Variants in RO60 observed in about 807,000 individuals in gnomAD.
RO60 encodes RNA-binding protein RO60.
A neutral mutation model predicts 55.3 loss-of-function variants in RO60; 20 were observed. That is an observed-to-expected ratio of 0.36 (90% confidence interval 0.25 to 0.53). RO60 has a LOEUF of 0.53. Ranked by LOEUF, RO60 falls within the 20% of genes least tolerant of loss-of-function variation. The pLI is 0.92. For synonymous variants in RO60, 213 were observed against 213.6 expected (o/e 1.00, Z 0.02); for missense variants, 558 against 646.6 (o/e 0.86, Z 1.49).
downstream of RO60, chr1:193,091,626 G>A: frequency 6.3e-7 from 1 of 1,596,792 alleles, no homozygotes; most frequent in Non-Finnish European, 8.6e-7. Context: ...CACTGATACT[G>A]TGAAATCCTT....
chr1:193,080,935 A>G (rs1162225466), intron 5 of RO60, among the ~76,000 whole-genome samples: 3 of 152,172 alleles, frequency 2.0e-5, no homozygotes, highest in African/African-American at 2.4e-5. Context: ...CTTGAAATAG[A>G]TAGAGGTGAT....
At chr1:193,071,680 T>C (rs1172564371) in intron 2 of RO60, among the ~76,000 whole-genome samples, 2 of 151,098 alleles carry the variant, frequency 1.3e-5, no homozygotes, top group Non-Finnish European at 2.9e-5. Flanking sequence ...CATGAAAGAT[T>C]CTTTGAATTT....
chr1:193,069,436 T>C lies in RO60; in HGVS notation c.382T>C (p.Phe128Leu). The change falls in exon 2 of 9, where the codon TTT becomes CTT. Residue 128 changes from phenylalanine (F) to leucine (L), a missense_variant. Transcript: ENST00000400968. ...TCGCATTCCTACCCATCTCTTTACT[T>C]TTATCCAGTTTAAGAAAGATCTGAA... Reference protein sequence around the residue: ...VCRIPTHLFTFIQFKKDLKES... With the variant: ...VCRIPTHLFTLIQFKKDLKES... 1 of 1,614,208 alleles carries C rather than the reference T, an allele frequency of 6.2e-7. No homozygotes were observed. The highest frequency in any genetic ancestry group is 8.5e-7 in the Non-Finnish European group (1 of 1,180,026).
intron 1 of RO60, among the ~76,000 whole-genome samples, chr1:193,068,001 T>C (rs1018352297): frequency 5.9e-5 from 9 of 152,184 alleles, no homozygotes; most frequent in African/African-American, 2.2e-4. Flanking sequence ...CTGAAGATGG[T>C]TGTTACCACT....
chr1:193,085,716 A>C lies in RO60; in HGVS notation c.*985A>C, dbSNP rs1572110981. The C allele has an allele frequency of 1.0e-6, 1 of 982,380 alleles. No homozygotes were observed. The highest frequency in any genetic ancestry group is 1.1e-4 in the East Asian group (1 of 8,800). The allele number at this position is 982,380 out of a possible 1,614,324, so 60.9% of individuals were successfully genotyped here. On this transcript the variant is annotated 3_prime_UTR_variant, in exon 9 of 9. Transcript: ENST00000400968. ...TATTTTTTTAGTTAATATTTTTAAA[A>C]GTATACATGTCAATGGCCTCTTTGT...
At chr1:193,068,612 T>A (rs7552203) in intron 1 of RO60, among the ~76,000 whole-genome samples, 2 of 152,136 alleles carry the variant, frequency 1.3e-5, no homozygotes, top group African/African-American at 4.8e-5. Flanking sequence ...GGCCTCAAGA[T>A]GCCATACTGA....
chr1:193,059,846 T>C lies in RO60; in HGVS notation c.-22+70T>C. ...CCAGGGACGCGCAAATTCTGACCAG[T>C]CCTCCATGTCTCTCACCCGCATCCC... On this transcript the variant is annotated intron_variant, in intron 1 of 8. Transcript: ENST00000400968. This position sits in a 1 kb window ranked among gnomAD's most constrained non-coding sequence, Gnocchi z 4.9. The C allele has an allele frequency of 1.5e-6, 2 of 1,362,228 alleles. No individual in the cohort carries two copies. Among genetic ancestry groups the C allele is most frequent in the South Asian group, 2.3e-5 (2 of 87,140 alleles). The allele number at this position is 1,362,228 out of a possible 1,614,324, so 84.4% of individuals were successfully genotyped here. A position where few individuals can be genotyped will look rare whatever the true frequency, so the allele number is the denominator to read the frequency against.
At position 193,059,662 on chromosome 1, in the gene RO60, G is replaced by A. The variant is rs1672220151; in HGVS notation, c.-136G>A. Reference sequence around the variant, plus strand: ...AATCCCCGGCGGCAGTGGGGCTGTTGCTGTTGCTGTGGCTGTCGCTGCCCG... The same window carrying A: ...AATCCCCGGCGGCAGTGGGGCTGTTACTGTTGCTGTGGCTGTCGCTGCCCG... On this transcript the variant is annotated 5_prime_UTR_variant, in exon 1 of 9. Coordinates refer to ENST00000400968, the MANE Select transcript of RO60 (RefSeq NM_001173524.2). The surrounding 1 kb of genome is among the most constrained non-coding windows in gnomAD (Gnocchi z 4.9). 7.3e-7 allele frequency: 1 copy of A among 1,377,906 alleles called. No homozygotes were observed. The highest frequency in any genetic ancestry group is 1.2e-5 in the South Asian group (1 of 86,752). The allele number at this position is 1,377,906 out of a possible 1,614,324, so 85.4% of individuals were successfully genotyped here. A position where few individuals can be genotyped will look rare whatever the true frequency, so the allele number is the denominator to read the frequency against.
At chr1:193,066,422 A>G (rs1673111838) in intron 1 of RO60, among the ~76,000 whole-genome samples, 1 of 152,222 alleles carries the variant, frequency 6.6e-6, no homozygotes, top group Admixed American at 6.5e-5. Flanking sequence ...ACTGTAATCA[A>G]GCTACTTCTT....
rs766159439 is a variant in RO60, at chr1:193,059,976, C to T, written c.-22+200C>T. 1.5e-6 allele frequency: 2 copies of T among 1,366,414 alleles called. No homozygotes were observed. The highest frequency in any genetic ancestry group is 1.5e-5 in the African/African-American group (1 of 67,888). The allele number at this position is 1,366,414 out of a possible 1,614,324, so 84.6% of individuals were successfully genotyped here. The stretch of plus-strand genomic sequence containing the variant: ...GAACCAGCATCGCGGTAGGGACATC[C>T]TCGCTAGGCCCGGCCGGACCATTCC... On this transcript the variant is annotated intron_variant, in intron 1 of 8. Transcript: ENST00000400968. This position sits in a 1 kb window ranked among gnomAD's most constrained non-coding sequence, Gnocchi z 4.9.
At chr1:193,060,062 G>A in intron 1 of RO60, 1 of 1,320,248 alleles carries the variant, frequency 7.6e-7, no homozygotes, top group Non-Finnish European at 1.0e-6. Context: ...CTCCCCACAG[G>A]CCGACGTCGA....
chr1:193,081,606 T>C, intron 6 of RO60, 126 bp downstream of exon 6: 1 of 579,826 alleles, frequency 1.7e-6, no homozygotes. Context: ...GTCACATTTT[T>C]AATTTTATAT....
chr1:193,064,653 T>C (rs1672995889), intron 1 of RO60, among the ~76,000 whole-genome samples: 1 of 152,212 alleles, frequency 6.6e-6, no homozygotes, highest in Non-Finnish European at 1.5e-5. Flanking sequence ...TTCCACTGTT[T>C]TATGTTGCAC....
intron 5 of RO60, among the ~76,000 whole-genome samples, chr1:193,078,549 C>G (rs1674080657): frequency 1.3e-5 from 2 of 151,958 alleles, no homozygotes; most frequent in South Asian, 4.2e-4. Flanking sequence ...GGGTATAAAA[C>G]CAACACATAA....
At chr1:193,077,114 A>AT in intron 5 of RO60, 64 bp downstream of exon 5, 1 of 1,437,932 alleles carries the variant, frequency 7.0e-7, no homozygotes, top group African/African-American at 1.4e-5. Flanking sequence ...GTAATAATAC[A>AT]TTTTAAAGGT....
chr1:193,091,536 C>T (rs1674857937), downstream of RO60: 9 of 834,250 alleles, frequency 1.1e-5, no homozygotes, highest in South Asian at 1.4e-4. Context: ...ATACAACTAA[C>T]AATGTAATTT....
intron 1 of RO60, among the ~76,000 whole-genome samples, chr1:193,065,662 T>G (rs928328417): frequency 1.4e-5 from 1 of 73,662 alleles, no homozygotes; most frequent in African/African-American, 5.2e-5. Context: ...AAGGTAGAGA[T>G]AAAAGCCAAA....
Position 193,084,792 on chromosome 1 carries a change from A to G in RO60, c.*61A>G. 1 of 1,571,898 alleles carries G rather than the reference A, an allele frequency of 6.4e-7. No individual in the cohort carries two copies. Among genetic ancestry groups the G allele is most frequent in the Non-Finnish European group, 8.6e-7 (1 of 1,161,368 alleles). On this transcript the variant is annotated 3_prime_UTR_variant, in exon 9 of 9. Transcript: ENST00000400968. Reference sequence around the variant, plus strand: ...ATCAGTGATCTCACTAAAAATATACAGCTACTTCCCAGCTAATCTCCACCC... The same window carrying G: ...ATCAGTGATCTCACTAAAAATATACGGCTACTTCCCAGCTAATCTCCACCC...
chr1:193,077,527 C>A (rs1674009631), intron 5 of RO60, among the ~76,000 whole-genome samples: 1 of 152,048 alleles, frequency 6.6e-6, no homozygotes, highest in African/African-American at 2.4e-5. Flanking sequence ...GGGGGAAGCT[C>A]CTTATAAAAC....
Sources: allele counts gnomAD v4.1 joint callset (sites outside exome capture counted in the v4.1 genomes callset), GRCh38; gene constraint gnomAD v4.1.1; non-coding constraint Gnocchi (gnomAD v3.1); transcripts MANE v1.5; gene names NCBI Gene and HGNC (gene_info 2026-07-23, HGNC 2026-07-21).